DPYD: variants seen among roughly 807,000 people sequenced by gnomAD.
The protein encoded by DPYD is dihydropyrimidine dehydrogenase.
In DPYD, 109 loss-of-function variants were observed where a neutral mutation model predicts 116.2. The observed-to-expected ratio is 0.94, with a 90% CI of 0.80 to 1.10. The LOEUF (loss-of-function observed/expected upper bound fraction) is 1.10, where lower values mean the gene tolerates loss of function less well. Among genes scored for constraint, DPYD ranks in the 50% least tolerant of loss-of-function variants. The probability of loss-of-function intolerance (pLI) is 0.00; values close to 1 mark genes in which losing one functional copy is unlikely to be tolerated. For synonymous variants in DPYD, 440 were observed against 432.0 expected (o/e 1.02, Z -0.23); for missense variants, 1,302 against 1,254.5 (o/e 1.04, Z -0.57).
chr1:97,316,390 T>C (rs1052260145), intron 16 of DPYD, among the ~76,000 whole-genome samples: 17 of 150,676 alleles, frequency 1.1e-4, no homozygotes, highest in African/African-American at 4.1e-4. Flanking sequence ...AACACATACC[T>C]GTAATCCCAG....
intron 4 of DPYD, among the ~76,000 whole-genome samples, chr1:97,736,158 C>A (rs1292988457): frequency 6.6e-6 from 1 of 151,844 alleles, no homozygotes; most frequent in Non-Finnish European, 1.5e-5. Flanking sequence ...ACATCAAAAA[C>A]TAAAAGATCT....
intron 20 of DPYD, among the ~76,000 whole-genome samples, chr1:97,129,332 C>T (rs969860673): frequency 6.6e-6 from 1 of 152,136 alleles, no homozygotes; most frequent in African/African-American, 2.4e-5. Context: ...TCCCAAAGTG[C>T]TGGGATTACA....
intron 11 of DPYD, among the ~76,000 whole-genome samples, chr1:97,564,488 T>C (rs898940547): frequency 1.3e-5 from 2 of 152,210 alleles, no homozygotes; most frequent in African/African-American, 4.8e-5. Context: ...CATTAAGGTA[T>C]AGTAGTGAAA....
At chr1:97,334,777 G>C (rs1669199320) in intron 16 of DPYD, among the ~76,000 whole-genome samples, 1 of 152,164 alleles carries the variant, frequency 6.6e-6, no homozygotes, top group Non-Finnish European at 1.5e-5. Context: ...ATTTAGAGAA[G>C]AGAAGTCATT....
At chr1:97,323,509 T>G in intron 16 of DPYD, among the ~76,000 whole-genome samples, 1 of 83,188 alleles carries the variant, frequency 1.2e-5, no homozygotes, top group Non-Finnish European at 2.7e-5. Flanking sequence ...CATATGTACA[T>G]ATGTGTATAT....
chr1:97,474,620 T>C (rs1677847780), intron 13 of DPYD, among the ~76,000 whole-genome samples: 1 of 151,916 alleles, frequency 6.6e-6, no homozygotes, highest in African/African-American at 2.4e-5. Flanking sequence ...TGTCACAGTT[T>C]AAGATTAATA....
intron 14 of DPYD, among the ~76,000 whole-genome samples, chr1:97,410,182 T>G (rs947917736): frequency 6.6e-6 from 1 of 152,246 alleles, no homozygotes; most frequent in African/African-American, 2.4e-5. Flanking sequence ...TTTAATATAT[T>G]TATTGTCTTT....
At chr1:97,290,441 C>T (rs952118937) in intron 18 of DPYD, among the ~76,000 whole-genome samples, 1 of 152,124 alleles carries the variant, frequency 6.6e-6, no homozygotes, top group Non-Finnish European at 1.5e-5. Flanking sequence ...AACTATACTA[C>T]AAGGCTACAG....
At chr1:97,529,904 CCTT>C (rs775525197) in intron 12 of DPYD, among the ~76,000 whole-genome samples, 48 of 150,086 alleles carry the variant, frequency 3.2e-4, no homozygotes, top group East Asian at 2.0e-3. Context: ...TTCCTCCCTT[CCTT>C]CTTTTCTTTT....
chr1:97,604,790 T>A (rs915335053), intron 8 of DPYD, among the ~76,000 whole-genome samples: 1 of 152,080 alleles, frequency 6.6e-6, no homozygotes, highest in Non-Finnish European at 1.5e-5. Flanking sequence ...TCCAGAAACA[T>A]GTTTGACCTT....
chr1:97,701,539 G>A (rs759607155), intron 5 of DPYD, among the ~76,000 whole-genome samples: 4 of 151,516 alleles, frequency 2.6e-5, no homozygotes, highest in Non-Finnish European at 5.9e-5. Context: ...TTTCTCTCCT[G>A]GAAACCCAGA....
chr1:97,355,833 G>A (rs996915468), intron 16 of DPYD, among the ~76,000 whole-genome samples: 74 of 152,026 alleles, frequency 4.9e-4, no homozygotes, highest in African/African-American at 1.7e-3. Flanking sequence ...TCTGCTGATA[G>A]ACACTTAGGT....
chr1:97,740,642 C>T (rs1296908521), intron 3 of DPYD, among the ~76,000 whole-genome samples, 163 bp from the exon 4 acceptor site: 1 of 152,058 alleles, frequency 6.6e-6, no homozygotes, highest in East Asian at 1.9e-4. Flanking sequence ...TTCTGTGTTT[C>T]ATCTTTGGCA....
chr1:97,473,697 T>C (rs1252193477), intron 13 of DPYD, among the ~76,000 whole-genome samples: 2 of 152,028 alleles, frequency 1.3e-5, no homozygotes, highest in Non-Finnish European at 2.9e-5. Context: ...TAATATAAAC[T>C]GGTATAGCTA....
intron 16 of DPYD, among the ~76,000 whole-genome samples, chr1:97,332,603 C>G (rs1021243702): frequency 1.3e-5 from 2 of 152,118 alleles, no homozygotes; most frequent in Middle Eastern, 3.2e-3. Context: ...TAGTTACCAA[C>G]AAAACGATAG....
At chr1:97,465,972 A>C (rs892065995) in intron 13 of DPYD, among the ~76,000 whole-genome samples, 1 of 152,162 alleles carries the variant, frequency 6.6e-6, no homozygotes, top group Non-Finnish European at 1.5e-5. Flanking sequence ...ATGGTGATAC[A>C]TGCCTGCAGT....
chr1:97,087,632 G>A (rs1020882043), intron 21 of DPYD, among the ~76,000 whole-genome samples: 5 of 152,146 alleles, frequency 3.3e-5, no homozygotes, highest in Non-Finnish European at 5.9e-5. Context: ...GTACCTGTCT[G>A]TGGCCCTGAT....
At chr1:97,648,584 T>C (rs762722396) in intron 8 of DPYD, among the ~76,000 whole-genome samples, 5 of 151,974 alleles carry the variant, frequency 3.3e-5, no homozygotes, top group Non-Finnish European at 7.4e-5. Context: ...GAATCAGAAC[T>C]AGGAAAGACA....
At position 97,919,954 on chromosome 1, in the gene DPYD, C is replaced by T. The variant is rs74434716; in HGVS notation, c.39+930G>A. ...TGGTTTGCAAAACTTTTACTTAAGC[C>T]GCCAAAAGGACTGACGAAAGGAAAA... On this transcript the variant is annotated intron_variant, in intron 1 of 22. Transcript: ENST00000370192. 3.6e-3 allele frequency among the ~76,000 whole-genome samples: 552 copies of T among 152,142 alleles called. 7 individuals carry two copies. Among genetic ancestry groups the T allele is most frequent in the African/African-American group, 0.013 (533 of 41,480 alleles).
Sources: allele counts gnomAD v4.1 joint callset (sites outside exome capture counted in the v4.1 genomes callset), GRCh38; gene constraint gnomAD v4.1.1; transcripts MANE v1.5; gene names NCBI Gene and HGNC (gene_info 2026-07-23, HGNC 2026-07-21).